Variants in ERC2 observed in about 807,000 individuals in gnomAD.
ERC2 encodes the protein ELKS/RAB6-interacting/CAST family member 2, also known as ERC protein 2.
A neutral mutation model predicts 114.8 loss-of-function variants in ERC2; 42 were observed. The observed-to-expected ratio is 0.37, with a 90% CI of 0.29 to 0.47. The LOEUF is 0.47. Ranked by LOEUF, ERC2 falls within the 20% of genes least tolerant of loss-of-function variation. ERC2 has a pLI of 0.99. For missense variants in ERC2, 939 were observed against 1,150.7 expected (o/e 0.82, Z 2.66); for synonymous variants, 454 against 425.5 (o/e 1.07, Z -0.82).
chr3:55,906,732 A>G (rs1272319154), intron 13 of ERC2, among the ~76,000 whole-genome samples: 1 of 152,190 alleles, frequency 6.6e-6, no homozygotes, highest in Non-Finnish European at 1.5e-5. Context: ...AGGAAGAGTG[A>G]GCACCATTTT....
intron 3 of ERC2, among the ~76,000 whole-genome samples, chr3:56,279,658 C>A (rs115227692): frequency 0.011 from 1,616 of 152,328 alleles, 25 homozygotes; most frequent in African/African-American, 0.037. Flanking sequence ...AGACTTTGTA[C>A]TTTGTCCTTC....
intron 6 of ERC2, among the ~76,000 whole-genome samples, chr3:56,133,147 A>G (rs532755756): frequency 6.6e-6 from 1 of 152,302 alleles, no homozygotes; most frequent in Non-Finnish European, 1.5e-5. Flanking sequence ...TGCCTTTAAG[A>G]TTAAATGAGG....
intron 17 of ERC2, among the ~76,000 whole-genome samples, chr3:55,587,768 G>A (rs1190014609): frequency 6.6e-6 from 1 of 152,172 alleles, no homozygotes; most frequent in African/African-American, 2.4e-5. Flanking sequence ...AGCGGTTTTT[G>A]TGTGCCAAAC....
intron 17 of ERC2, among the ~76,000 whole-genome samples, chr3:55,594,482 T>C (rs2058043551): frequency 2.6e-5 from 4 of 151,544 alleles, no homozygotes; most frequent in Admixed American, 2.0e-4. Flanking sequence ...TTTATTGTTA[T>C]TATTATTATT....
At chr3:56,302,436 C>T (rs1249904110) in intron 2 of ERC2, among the ~76,000 whole-genome samples, 2 of 152,138 alleles carry the variant, frequency 1.3e-5, no homozygotes, top group African/African-American at 2.4e-5. Flanking sequence ...TTTAAGACTT[C>T]TTTTCTAAGT....
chr3:56,415,764 C>T (rs2061126807), intron 2 of ERC2, among the ~76,000 whole-genome samples: 1 of 152,188 alleles, frequency 6.6e-6, no homozygotes, highest in Non-Finnish European at 1.5e-5. Context: ...CTCCACCAAG[C>T]ATGGTAATGG....
At chr3:56,327,259 C>A (rs1290016483) in intron 2 of ERC2, among the ~76,000 whole-genome samples, 1 of 152,138 alleles carries the variant, frequency 6.6e-6, no homozygotes, top group African/African-American at 2.4e-5. Context: ...AAAGAGAAAG[C>A]CAGGTACCTT....
At chr3:55,592,493 A>C in intron 17 of ERC2, among the ~76,000 whole-genome samples, 1 of 152,302 alleles carries the variant, frequency 6.6e-6, no homozygotes. Context: ...GGAAAGGCAA[A>C]GACCTCATTC....
intron 13 of ERC2, among the ~76,000 whole-genome samples, chr3:55,901,756 G>A (rs568955645): frequency 2.6e-4 from 40 of 152,286 alleles, no homozygotes; most frequent in Admixed American, 2.5e-3. Context: ...CCATAAGATC[G>A]ATGAGGCCAT....
chr3:55,714,691 A>G (rs1192026387), intron 15 of ERC2, among the ~76,000 whole-genome samples: 34 of 126,284 alleles, frequency 2.7e-4, no homozygotes, highest in South Asian at 4.9e-4. Context: ...ATATATATAT[A>G]TATATATATA....
At chr3:55,730,473 T>C (rs1302378775) in intron 15 of ERC2, among the ~76,000 whole-genome samples, 1 of 152,192 alleles carries the variant, frequency 6.6e-6, no homozygotes, top group Non-Finnish European at 1.5e-5. Flanking sequence ...ATGCATTCAT[T>C]CATACAACAA....
chr3:56,216,800 G>A (rs146791713), intron 3 of ERC2, among the ~76,000 whole-genome samples: 122,088 of 152,166 alleles, frequency 0.8, 50,898 homozygotes, highest in South Asian at 0.95. Flanking sequence ...ACCATGATCA[G>A]GTGGGCTTCA....
chr3:56,042,469 C>T (rs374308788), intron 7 of ERC2, among the ~76,000 whole-genome samples: 1 of 152,148 alleles, frequency 6.6e-6, no homozygotes, highest in Non-Finnish European at 1.5e-5. Context: ...GTTTAAAACA[C>T]TGGATAAGGC....
At chr3:55,857,260 G>A (rs895098249) in intron 14 of ERC2, among the ~76,000 whole-genome samples, 1 of 152,158 alleles carries the variant, frequency 6.6e-6, no homozygotes, top group Non-Finnish European at 1.5e-5. Context: ...TAGCTAATGT[G>A]GTCAGAAAGT....
At chr3:55,562,490 G>A (rs958754587) in intron 17 of ERC2, among the ~76,000 whole-genome samples, 1 of 152,150 alleles carries the variant, frequency 6.6e-6, no homozygotes, top group Non-Finnish European at 1.5e-5. Flanking sequence ...TTTGAGTTGA[G>A]TATTTGTCAC....
At chr3:55,604,087 G>A (rs942292826) in intron 17 of ERC2, among the ~76,000 whole-genome samples, 3 of 152,074 alleles carry the variant, frequency 2.0e-5, no homozygotes, top group African/African-American at 7.2e-5. Context: ...GAAACTAAAC[G>A]ACTTTAATAT....
intron 14 of ERC2, among the ~76,000 whole-genome samples, chr3:55,779,608 C>T (rs1296932443): frequency 6.6e-6 from 1 of 152,032 alleles, no homozygotes; most frequent in Non-Finnish European, 1.5e-5. Context: ...CTACTTGTGA[C>T]TATGATATAA....
chr3:55,685,679 C>G (rs2148784700), intron 16 of ERC2, among the ~76,000 whole-genome samples: 1 of 152,126 alleles, frequency 6.6e-6, no homozygotes, highest in South Asian at 2.1e-4. Flanking sequence ...TGGATGGAGG[C>G]CCTAGCTTTC....
At chr3:56,381,487 G>A (rs1009274107) in intron 2 of ERC2, among the ~76,000 whole-genome samples, 1 of 152,020 alleles carries the variant, frequency 6.6e-6, no homozygotes, top group Non-Finnish European at 1.5e-5. Context: ...AAAAATCCAC[G>A]TGTAAGTGGA....
Sources: gnomAD v4.1 joint callset for allele counts (sites outside exome capture counted in the v4.1 genomes callset) on GRCh38, gnomAD v4.1.1 for gene constraint, MANE v1.5 for transcripts, NCBI Gene and HGNC (gene_info 2026-07-23, HGNC 2026-07-21) for gene names.